Variants in ARHGAP22 observed in about 807,000 individuals in gnomAD.
ARHGAP22 encodes Rho GTPase activating protein 22.
A neutral mutation model predicts 59.1 loss-of-function variants in ARHGAP22; 48 were observed. The ratio of observed to expected loss-of-function variants is 0.81; its 90% confidence interval spans 0.64 to 1.03. ARHGAP22 has a LOEUF of 1.03. Ranked by LOEUF, ARHGAP22 falls within the 50% of genes least tolerant of loss-of-function variation. The probability of loss-of-function intolerance (pLI) is 0.00; values close to 1 mark genes in which losing one functional copy is unlikely to be tolerated. For missense variants in ARHGAP22, 1,015 were observed against 958.7 expected, an observed-to-expected ratio of 1.06 and a Z score of -0.78; for synonymous variants, 445 against 416.4, an observed-to-expected ratio of 1.07 and a Z score of -0.84.
intron 1 of ARHGAP22, among the ~76,000 whole-genome samples, chr10:48,585,723 G>C (rs2059388657): frequency 6.6e-6 from 1 of 152,214 alleles, no homozygotes. Flanking sequence ...GCTCCACCTT[G>C]ATTCTCTGTT....
At chr10:48,583,988 C>T (rs935508942) in intron 1 of ARHGAP22, among the ~76,000 whole-genome samples, 2 of 151,718 alleles carry the variant, frequency 1.3e-5, no homozygotes, top group Non-Finnish European at 2.9e-5. Context: ...TCCCCTCTGC[C>T]CCTACTCCTT....
At chr10:48,563,015 A>T (rs1038608212) in intron 2 of ARHGAP22, among the ~76,000 whole-genome samples, 2 of 151,862 alleles carry the variant, frequency 1.3e-5, no homozygotes, top group African/African-American at 4.8e-5. Context: ...CTAGGGCAGG[A>T]TCTGTTTCTC....
At chr10:48,617,717 CA>C (rs2061136059) in intron 1 of ARHGAP22, among the ~76,000 whole-genome samples, 1 of 151,680 alleles carries the variant, frequency 6.6e-6, no homozygotes, top group African/African-American at 2.4e-5. Flanking sequence ...AAGTTTATAG[CA>C]AAAAATGCTA....
chr10:48,453,942 T>C (rs1589438678), intron 7 of ARHGAP22, 146 bp downstream of exon 7: 1 of 812,476 alleles, frequency 1.2e-6, no homozygotes, highest in African/African-American at 1.7e-5. Flanking sequence ...CACTCCCTGC[T>C]TCGTCCACGC....
At chr10:48,591,657 T>A (rs2059763384) in intron 1 of ARHGAP22, among the ~76,000 whole-genome samples, 1 of 152,068 alleles carries the variant, frequency 6.6e-6, no homozygotes, top group Non-Finnish European at 1.5e-5. Context: ...TGGGCTGTAT[T>A]CATTAAAATT....
At chr10:48,514,113 T>C (rs2053063077) in intron 3 of ARHGAP22, among the ~76,000 whole-genome samples, 1 of 151,570 alleles carries the variant, frequency 6.6e-6, no homozygotes, top group South Asian at 2.1e-4. Context: ...CAGTCTGAGG[T>C]CCAGAAACTA....
chr10:48,636,745 C>T (rs943817202), intron 1 of ARHGAP22, among the ~76,000 whole-genome samples: 7 of 152,210 alleles, frequency 4.6e-5, no homozygotes, highest in African/African-American at 1.7e-4. Flanking sequence ...GGAGTTCTCA[C>T]CTGAGGTCAC....
intron 3 of ARHGAP22, among the ~76,000 whole-genome samples, chr10:48,545,315 G>T (rs536223623): frequency 6.6e-6 from 1 of 152,218 alleles, no homozygotes; most frequent in African/African-American, 2.4e-5. Context: ...TGCTCAAGGG[G>T]ACTCTTTCCA....
intron 1 of ARHGAP22, among the ~76,000 whole-genome samples, chr10:48,642,013 A>G (rs2062068453): frequency 6.6e-6 from 1 of 152,238 alleles, no homozygotes; most frequent in South Asian, 2.1e-4. Flanking sequence ...TAAAATACCT[A>G]GGAATCCAGC....
upstream of ARHGAP22, among the ~76,000 whole-genome samples, chr10:48,607,220 A>AC (rs989505330): frequency 6.6e-6 from 1 of 151,878 alleles, no homozygotes; most frequent in Non-Finnish European, 1.5e-5. Flanking sequence ...TTAAGAAACC[A>AC]CCCCCAGGCG....
At chr10:48,513,576 C>G (rs2053005917) in intron 3 of ARHGAP22, among the ~76,000 whole-genome samples, 1 of 152,174 alleles carries the variant, frequency 6.6e-6, no homozygotes, top group Non-Finnish European at 1.5e-5. Context: ...ATAAACTAAC[C>G]AAGAGACTTG....
intron 1 of ARHGAP22, among the ~76,000 whole-genome samples, chr10:48,649,525 C>T (rs1449236709): frequency 4.6e-5 from 7 of 152,238 alleles, no homozygotes; most frequent in Admixed American, 4.6e-4. Context: ...CCGTCTTTCT[C>T]TCCACTGTGA....
chr10:48,449,762 A>AC (rs1279377681), intron 9 of ARHGAP22, among the ~76,000 whole-genome samples: 1 of 151,798 alleles, frequency 6.6e-6, no homozygotes, highest in African/African-American at 2.4e-5. Context: ...CCATCCTGTG[A>AC]CAAGGGCGGA....
chr10:48,627,843 C>G (rs1283928056), intron 1 of ARHGAP22, among the ~76,000 whole-genome samples: 1 of 152,154 alleles, frequency 6.6e-6, no homozygotes, highest in East Asian at 1.9e-4. Context: ...TTCAGGCCAC[C>G]AGGTGCTCTA....
At chr10:48,564,653 G>A (rs962232641) in intron 2 of ARHGAP22, among the ~76,000 whole-genome samples, 4 of 152,188 alleles carry the variant, frequency 2.6e-5, no homozygotes, top group Admixed American at 1.3e-4. Context: ...CATACTCTCC[G>A]ACCTCATGTG....
intron 2 of ARHGAP22, among the ~76,000 whole-genome samples, chr10:48,579,059 T>C (rs1233775432): frequency 2.0e-5 from 3 of 152,160 alleles, no homozygotes; most frequent in Admixed American, 1.3e-4. Flanking sequence ...TCTTTTGCCA[T>C]CTTATTTATT....
chr10:48,433,526 G>A, the ARHGAP22 span, among the ~76,000 whole-genome samples: 1 of 152,200 alleles, frequency 6.6e-6, no homozygotes, highest in South Asian at 2.1e-4. Flanking sequence ...TTGGGTCTAG[G>A]AGATTATCAC....
intron 9 of ARHGAP22, among the ~76,000 whole-genome samples, chr10:48,447,580 CA>C (rs2045490706): frequency 6.6e-6 from 1 of 152,318 alleles, no homozygotes; most frequent in East Asian, 1.9e-4. Flanking sequence ...CCCTCCCTAC[CA>C]GGATCACAGA....
intron 3 of ARHGAP22, among the ~76,000 whole-genome samples, chr10:48,550,037 C>A (rs140094417): frequency 6.6e-6 from 1 of 152,200 alleles, no homozygotes; most frequent in Non-Finnish European, 1.5e-5. Context: ...ATGTGCTGAG[C>A]GCCTTGGAAC....
Sources: allele counts gnomAD v4.1 joint callset (sites outside exome capture counted in the v4.1 genomes callset), GRCh38; gene constraint gnomAD v4.1.1; transcripts MANE v1.5; gene names NCBI Gene and HGNC (gene_info 2026-07-23, HGNC 2026-07-21).